The following AGK variants were observed in gnomAD, a reference collection of about 807,000 sequenced individuals.
AGK encodes the protein acylglycerol kinase, mitochondrial.
Under a neutral mutation model 66.4 loss-of-function variants are expected in AGK, and 52 were observed. The observed-to-expected ratio is 0.78, with a 90% CI of 0.63 to 0.99. AGK has a LOEUF of 0.99. Among genes scored for constraint, AGK ranks in the 50% least tolerant of loss-of-function variants. The pLI is 0.00. For synonymous variants in AGK, 182 were observed against 181.1 expected (o/e 1.00, Z -0.04); for missense variants, 451 against 506.6 (o/e 0.89, Z 1.05).
chr7:141,619,349 A>G (rs562308990), intron 8 of AGK, among the ~76,000 whole-genome samples: 1 of 152,178 alleles, frequency 6.6e-6, no homozygotes, highest in Non-Finnish European at 1.5e-5. Flanking sequence ...AAGAGACATA[A>G]ATCAGTAGAA....
At chr7:141,618,528 A>G (rs1228648450) in intron 8 of AGK, among the ~76,000 whole-genome samples, 1 of 152,210 alleles carries the variant, frequency 6.6e-6, no homozygotes, top group Non-Finnish European at 1.5e-5. Context: ...GACAAACAGT[A>G]AATAAATAGG....
At position 141,649,325 on chromosome 7, in the gene AGK, A is replaced by G. The variant is rs772175871; in HGVS notation, c.1038A>G (p.Ile346Met). ...ACACCATCAGCAAAGGAGACTTTAT[A>G]ACTATAGGGTAAGTGGACTGGGGTT... ...EPDTISKGDF[I>M]TIGSRKVRNP... is the part of the protein sequence containing the mutation. The change falls in exon 14 of 16, where the codon ATA becomes ATG. Residue 346 changes from isoleucine to methionine, a missense_variant. Coordinates refer to ENST00000649286, the MANE Select transcript of AGK (RefSeq NM_018238.4). 1 of 1,611,260 alleles carries G rather than the reference A, an allele frequency of 6.2e-7. No homozygotes were observed. Among genetic ancestry groups the G allele is most frequent in the African/African-American group, 1.3e-5 (1 of 74,858 alleles).
intron 2 of AGK, among the ~76,000 whole-genome samples, chr7:141,563,501 C>T (rs937392541): frequency 6.6e-6 from 1 of 152,208 alleles, no homozygotes; most frequent in African/African-American, 2.4e-5. Flanking sequence ...TTTCTAAGTC[C>T]TGTTATCTTC....
chr7:141,558,263 T>C (rs1234641437), intron 2 of AGK, among the ~76,000 whole-genome samples: 3 of 152,034 alleles, frequency 2.0e-5, no homozygotes, highest in Non-Finnish European at 4.4e-5. Context: ...GTTCAAGTGA[T>C]TCTCTTGCCT....
intron 1 of AGK, among the ~76,000 whole-genome samples, chr7:141,552,622 C>G (rs1795117736): frequency 6.6e-6 from 1 of 152,216 alleles, no homozygotes. Context: ...TCAGGACACA[C>G]TGCCGCAAAA....
chr7:141,588,470 G>C (rs962792239), intron 2 of AGK, among the ~76,000 whole-genome samples: 1 of 152,110 alleles, frequency 6.6e-6, no homozygotes, highest in Non-Finnish European at 1.5e-5. Flanking sequence ...ACAAAAATTA[G>C]CTGGGTGTGG....
chr7:141,578,902 G>A (rs571577424), intron 2 of AGK, among the ~76,000 whole-genome samples: 3 of 152,174 alleles, frequency 2.0e-5, no homozygotes, highest in Non-Finnish European at 4.4e-5. Flanking sequence ...TACTTTAAGA[G>A]GGAGTTAAGA....
intron 13 of AGK, among the ~76,000 whole-genome samples, chr7:141,642,577 A>T (rs1459771392): frequency 6.6e-6 from 1 of 152,212 alleles, no homozygotes. Context: ...GGGTGGTGCT[A>T]CTATAGACAA....
chr7:141,621,535 CTT>C (rs2116974992), intron 8 of AGK, among the ~76,000 whole-genome samples, 195 bp from the exon 9 acceptor site: 1 of 152,040 alleles, frequency 6.6e-6, no homozygotes. Context: ...AAAGCTTTCT[CTT>C]TGAGTCCCTA....
chr7:141,581,034 A>G (rs977497689), intron 2 of AGK, among the ~76,000 whole-genome samples: 2 of 151,974 alleles, frequency 1.3e-5, no homozygotes, highest in Non-Finnish European at 2.9e-5. Flanking sequence ...ATGGCCAGGA[A>G]GGAAAGGAGT....
chr7:141,590,909 G>A (rs995169194), intron 2 of AGK, among the ~76,000 whole-genome samples: 7 of 152,000 alleles, frequency 4.6e-5, no homozygotes, highest in African/African-American at 1.5e-4. Context: ...GTTGCACAAC[G>A]CTCTTTGCCA....
chr7:141,592,238 G>A (rs952190388), intron 2 of AGK, among the ~76,000 whole-genome samples: 2 of 152,196 alleles, frequency 1.3e-5, no homozygotes, highest in African/African-American at 4.8e-5. Context: ...ACTGGGCTAA[G>A]ACAAAGTGTG....
rs1797642767 is a variant in AGK, at chr7:141,654,496, T to C, written c.*1572T>C. 6.6e-6 allele frequency: 1 copy of C among 152,268 alleles called. No individual in the cohort carries two copies. The highest frequency in any genetic ancestry group is 1.5e-5 in the Non-Finnish European group (1 of 68,056). 9.4% of individuals were successfully genotyped at this position (152,268 alleles called of 1,614,324 possible). A position where few individuals can be genotyped will look rare whatever the true frequency, so the allele number is the denominator to read the frequency against. On this transcript the variant is annotated 3_prime_UTR_variant, in exon 16 of 16. Coordinates refer to ENST00000649286, the MANE Select transcript of AGK (RefSeq NM_018238.4). The stretch of plus-strand genomic sequence containing the variant: ...GAATTATTAATGATGATCTATCAAC[T>C]AACAAACAACTTGATTAGATTCTCC...
chr7:141,649,028 G>GT, intron 13 of AGK: 1 of 363,444 alleles, frequency 2.8e-6, no homozygotes, highest in Non-Finnish European at 4.7e-6. Context: ...TGCTTATGTA[G>GT]TAAAAAAAAA....
At chr7:141,585,409 G>C (rs556501566) in intron 2 of AGK, among the ~76,000 whole-genome samples, 1 of 152,284 alleles carries the variant, frequency 6.6e-6, no homozygotes, top group East Asian at 1.9e-4. Context: ...TGCTCCATGG[G>C]CAACCATGGG....
intron 2 of AGK, among the ~76,000 whole-genome samples, chr7:141,564,356 ACAGT>A (rs371943387): frequency 1.3e-5 from 2 of 152,222 alleles, no homozygotes; most frequent in African/African-American, 4.8e-5. Flanking sequence ...CAGGAAACTT[ACAGT>A]CATGGCAAAA....
chr7:141,649,664 G>A (rs147982059), intron 14 of AGK, among the ~76,000 whole-genome samples: 20 of 152,338 alleles, frequency 1.3e-4, no homozygotes, highest in African/African-American at 2.9e-4. Context: ...CTTACCCGAC[G>A]TCATGACTCG....
At chr7:141,612,491 A>G (rs1358878527) in intron 6 of AGK, among the ~76,000 whole-genome samples, 1 of 152,148 alleles carries the variant, frequency 6.6e-6, no homozygotes, top group African/African-American at 2.4e-5. Context: ...GAACCCATAG[A>G]TCTGCAACAC....
intron 12 of AGK, among the ~76,000 whole-genome samples, chr7:141,641,609 C>T (rs535632076): frequency 7.2e-5 from 11 of 152,260 alleles, no homozygotes; most frequent in African/African-American, 2.2e-4. Flanking sequence ...TTTCTGTTAA[C>T]GTGACTGCTT....
Sources: allele counts gnomAD v4.1 joint callset (sites outside exome capture counted in the v4.1 genomes callset), GRCh38; gene constraint gnomAD v4.1.1; transcripts MANE v1.5; gene names NCBI Gene and HGNC (gene_info 2026-07-23, HGNC 2026-07-21).